The following GMDS variants were observed in gnomAD, a reference collection of about 807,000 sequenced individuals.
GMDS encodes the protein GDP-mannose 4,6-dehydratase.
GMDS carries 20 observed loss-of-function variants against 49.9 expected under a neutral mutation model. The observed-to-expected ratio is 0.40, with a 90% CI of 0.28 to 0.58. The LOEUF (loss-of-function observed/expected upper bound fraction) is 0.58. GMDS is among the 20% of genes least tolerant of loss of function. The pLI is 0.42. For synonymous variants in GMDS, 177 were observed against 178.6 expected, an observed-to-expected ratio of 0.99 and a Z score of 0.07; for missense variants, 362 against 481.4, an observed-to-expected ratio of 0.75 and a Z score of 2.32.
At position 1,714,481 on chromosome 6, in the gene GMDS, T is replaced by A. The variant is rs77691505; in HGVS notation, c.987+11935A>T. Among the ~76,000 whole-genome samples, 978 of 152,272 alleles carry A rather than the reference T, an allele frequency of 6.4e-3. 14 individuals carry two copies. Among genetic ancestry groups the A allele is most frequent in the African/African-American group, 0.023 (939 of 41,546 alleles). The stretch of plus-strand genomic sequence containing the variant: ...CATGCCACCAGGTTTCCGGAAGACC[T>A]TGGTTCCACGATACCAATACCAGCC... On this transcript the variant is annotated intron_variant, in intron 9 of 10. Transcript: ENST00000380815.
intron 6 of GMDS, among the ~76,000 whole-genome samples, chr6:1,932,224 T>C (rs1482048838): frequency 6.6e-6 from 1 of 152,200 alleles, no homozygotes; most frequent in Non-Finnish European, 1.5e-5. Context: ...CACAACCTTA[T>C]GATGGTTATG....
At chr6:2,219,949 A>C (rs1780509318) in intron 1 of GMDS, among the ~76,000 whole-genome samples, 1 of 152,232 alleles carries the variant, frequency 6.6e-6, no homozygotes. Context: ...ATTTCAGATA[A>C]GGGATATTCA....
At chr6:1,970,958 G>A (rs996847454) in intron 4 of GMDS, among the ~76,000 whole-genome samples, 2 of 139,244 alleles carry the variant, frequency 1.4e-5, no homozygotes, top group Admixed American at 1.5e-4. Context: ...CAGACTTAAA[G>A]AGAAAAAGTA....
intron 4 of GMDS, among the ~76,000 whole-genome samples, chr6:1,990,530 G>A (rs2127362009): frequency 6.6e-6 from 1 of 152,242 alleles, no homozygotes; most frequent in East Asian, 1.9e-4. Context: ...CTAATACATA[G>A]TGGAACATAC....
intron 6 of GMDS, among the ~76,000 whole-genome samples, chr6:1,949,364 A>C (rs1763232341): frequency 6.8e-6 from 1 of 147,072 alleles, no homozygotes; most frequent in South Asian, 2.1e-4. Context: ...CTGTGTATAT[A>C]TACTGCGTGG....
At chr6:1,874,029 GAGGA>G (rs1294205704) in intron 7 of GMDS, among the ~76,000 whole-genome samples, 2 of 152,216 alleles carry the variant, frequency 1.3e-5, no homozygotes, top group African/African-American at 4.8e-5. Flanking sequence ...GGACCAGTGG[GAGGA>G]AGGGTGACCA....
chr6:1,936,966 C>CAA (rs34542518), intron 6 of GMDS, among the ~76,000 whole-genome samples: 99 of 97,188 alleles, frequency 1.0e-3, no homozygotes, highest in African/African-American at 3.4e-3. Context: ...GACTCTGTCT[C>CAA]AAAAAAAAAA....
chr6:1,660,991 A>G (rs1399769563), intron 9 of GMDS, among the ~76,000 whole-genome samples: 1 of 151,820 alleles, frequency 6.6e-6, no homozygotes, highest in African/African-American at 2.4e-5. Flanking sequence ...AGTCCCAGCA[A>G]GCAGTTTTCA....
In GMDS at chr6:2,199,330, T is replaced by C. The variant is rs191033503; in HGVS notation, c.102+45991A>G. On this transcript the variant is annotated intron_variant, in intron 1 of 10. Transcript: ENST00000380815. ...GACCTTAACAGGAACCCAAAATAAA[T>C]TAATTCTCTGACACAACAACTCACA... Among the ~76,000 whole-genome samples, 472 of 152,328 alleles carry C rather than the reference T, an allele frequency of 3.1e-3. 1 individual carries two copies. Among genetic ancestry groups the C allele is most frequent in the Non-Finnish European group, 3.7e-3 (255 of 68,022 alleles).
intron 4 of GMDS, among the ~76,000 whole-genome samples, chr6:1,970,575 G>A (rs1764542233): frequency 6.6e-6 from 1 of 152,212 alleles, no homozygotes; most frequent in Non-Finnish European, 1.5e-5. Flanking sequence ...CAGAGACAGG[G>A]CCTTGCCTTG....
chr6:1,650,554 C>T (rs1763619805), intron 9 of GMDS, among the ~76,000 whole-genome samples: 1 of 152,164 alleles, frequency 6.6e-6, no homozygotes, highest in Non-Finnish European at 1.5e-5. Flanking sequence ...TTAACCCTTA[C>T]TGTCTACTGA....
intron 7 of GMDS, among the ~76,000 whole-genome samples, chr6:1,753,555 A>G (rs951245392): frequency 6.6e-6 from 1 of 152,182 alleles, no homozygotes; most frequent in African/African-American, 2.4e-5. Context: ...ACAGCTACAG[A>G]ACTCTCCACC....
At chr6:2,001,987 T>A (rs1766847024) in intron 4 of GMDS, among the ~76,000 whole-genome samples, 1 of 152,192 alleles carries the variant, frequency 6.6e-6, no homozygotes, top group Admixed American at 6.5e-5. Context: ...CTATTCCAAT[T>A]TTATTTTGCT....
chr6:1,746,794 C>T (rs1329860078), intron 7 of GMDS, among the ~76,000 whole-genome samples: 6 of 151,980 alleles, frequency 3.9e-5, no homozygotes, highest in Admixed American at 6.6e-5. Context: ...CTCCGCCTCC[C>T]GGGTTCAAGC....
At chr6:2,063,106 A>T (rs967341654) in intron 4 of GMDS, among the ~76,000 whole-genome samples, 11 of 152,222 alleles carry the variant, frequency 7.2e-5, no homozygotes, top group African/African-American at 2.7e-4. Context: ...TGTCTGCTTC[A>T]TTGCTACCTC....
At chr6:1,921,850 G>A (rs2146919) in intron 7 of GMDS, among the ~76,000 whole-genome samples, 1 of 152,098 alleles carries the variant, frequency 6.6e-6, no homozygotes, top group African/African-American at 2.4e-5. Flanking sequence ...TTTTCAAAGA[G>A]AGTATATTAA....
intron 1 of GMDS, among the ~76,000 whole-genome samples, chr6:2,184,142 C>T (rs1184088617): frequency 3.9e-5 from 6 of 152,150 alleles, no homozygotes; most frequent in African/African-American, 7.2e-5. Context: ...ATCATACAGG[C>T]GGTCAACTTC....
rs751623007 is a variant in GMDS, at chr6:1,770,387, C to T, written c.772-27801G>A. Among the ~76,000 whole-genome samples, 15 of 152,214 alleles carry T rather than the reference C, an allele frequency of 9.9e-5. No homozygotes were observed. In the East Asian group the frequency reaches 1.2e-3, roughly 12 times the overall value. On this transcript the variant is annotated intron_variant, in intron 7 of 10. Transcript: ENST00000380815. ...TGAAGACCACGCGTAAGGCACTGTA[C>T]GTAAAGCTGTGTGGGACACAAGGAA...
intron 9 of GMDS, among the ~76,000 whole-genome samples, chr6:1,641,704 TTCTCTCTC>T (rs67714741): frequency 3.6e-4 from 54 of 147,962 alleles, no homozygotes; most frequent in East Asian, 1.6e-3. Context: ...CTCGGATGAT[TTCTCTCTC>T]TCTCTCTCTC....
Sources: gnomAD v4.1 joint callset for allele counts (sites outside exome capture counted in the v4.1 genomes callset) on GRCh38, gnomAD v4.1.1 for gene constraint, MANE v1.5 for transcripts, NCBI Gene and HGNC (gene_info 2026-07-23, HGNC 2026-07-21) for gene names.